ASRGL1: variants seen among roughly 807,000 people sequenced by gnomAD.
The protein encoded by ASRGL1 is asparaginase and isoaspartyl peptidase 1.
A neutral mutation model predicts 22.4 loss-of-function variants in ASRGL1; 16 were observed. The observed-to-expected ratio is 0.71, with a 90% CI of 0.48 to 1.08. ASRGL1 has a LOEUF of 1.08. Among genes scored for constraint, ASRGL1 ranks in the 50% least tolerant of loss-of-function variants. ASRGL1 has a pLI of 0.00. For missense variants in ASRGL1, 412 were observed against 410.1 expected (o/e 1.00, Z -0.04); for synonymous variants, 165 against 159.3 (o/e 1.04, Z -0.27).
chr11:62,376,273 T>C (rs1430621769), intron 4 of ASRGL1, among the ~76,000 whole-genome samples: 1 of 152,000 alleles, frequency 6.6e-6, no homozygotes, highest in Non-Finnish European at 1.5e-5. Flanking sequence ...TCTGTTCTTC[T>C]GACATCACCA....
intron 2 of ASRGL1, among the ~76,000 whole-genome samples, chr11:62,351,059 T>C (rs745936177): frequency 6.6e-6 from 1 of 152,182 alleles, no homozygotes; most frequent in Non-Finnish European, 1.5e-5. Flanking sequence ...GCTCTAGATA[T>C]TATGCTGTAC....
At chr11:62,345,548 C>T (rs999891831) in intron 2 of ASRGL1, among the ~76,000 whole-genome samples, 1 of 152,122 alleles carries the variant, frequency 6.6e-6, no homozygotes, top group Non-Finnish European at 1.5e-5. Context: ...GGATAACAGA[C>T]GTGAGCCACC....
intron 2 of ASRGL1, among the ~76,000 whole-genome samples, chr11:62,348,778 A>G (rs1274557100): frequency 1.3e-5 from 2 of 152,026 alleles, no homozygotes; most frequent in Non-Finnish European, 2.9e-5. Flanking sequence ...GCGAGGCCAC[A>G]GGGGAGATGG....
At chr11:62,381,352 T>G (rs1189358448) in intron 4 of ASRGL1, among the ~76,000 whole-genome samples, 1 of 152,164 alleles carries the variant, frequency 6.6e-6, no homozygotes, top group Non-Finnish European at 1.5e-5. Context: ...AGTCAACATT[T>G]TGCATTGACC....
intron 2 of ASRGL1, among the ~76,000 whole-genome samples, chr11:62,341,121 A>G (rs1046172010): frequency 6.6e-6 from 1 of 152,174 alleles, no homozygotes; most frequent in African/African-American, 2.4e-5. Flanking sequence ...GAGCTCAGCG[A>G]TATTTACACA....
rs57501048 is a variant in ASRGL1 at position 62,362,813 on chromosome 11, TACACACACAC to T, written c.491+5691_491+5700del. On this transcript the variant is annotated intron_variant, in intron 4 of 6. Transcript: ENST00000415229. ...GGAGTATCTACTTGCTTATCTGACATACACACACACACACACACACACACACACACATCCA... is the reference window on the plus strand; with the variant it reads ...GGAGTATCTACTTGCTTATCTGACATACACACACACACACACACACATCCA... Among the ~76,000 whole-genome samples, 9 of 83,856 alleles carry T rather than the reference TACACACACAC, an allele frequency of 1.1e-4. No individual in the cohort carries two copies. The South Asian group carries it at 1.2e-3, about 11-fold the overall frequency. The allele number at this position is 83,856 out of a possible 152,430, so 55.0% of individuals were successfully genotyped here.
chr11:62,384,647 G>A (rs1947159104), intron 4 of ASRGL1, among the ~76,000 whole-genome samples: 1 of 149,310 alleles, frequency 6.7e-6, no homozygotes, highest in African/African-American at 2.5e-5. Context: ...TGGGTGTGGT[G>A]GCTTATGCCT....
chr11:62,338,021 T>C lies in ASRGL1; in HGVS notation c.44T>C (p.Ile15Thr). Residue 15 changes from isoleucine to threonine, a missense_variant, in exon 2 of 7, where the codon ATC becomes ACC. Ile to Thr is a moderately conservative substitution (Grantham distance 89). Transcript: ENST00000415229. ...VVVHGGGAGP[I>T]SKDRKERVHQ... ...GTCCACGGCGGCGGAGCCGGTCCCA[T>C]CTCCAAGGATCGGAAGGAGCGAGTG... The C allele has an allele frequency of 6.2e-7, 1 of 1,607,420 alleles. No homozygotes were observed. Among genetic ancestry groups the C allele is most frequent in the South Asian group, 1.1e-5 (1 of 89,788 alleles).
At chr11:62,357,943 A>C (rs985327003) in intron 4 of ASRGL1, among the ~76,000 whole-genome samples, 1 of 152,158 alleles carries the variant, frequency 6.6e-6, no homozygotes, top group South Asian at 2.1e-4. Flanking sequence ...TTTTCAAAAT[A>C]TGCATGTTTA....
At chr11:62,373,253 C>A in intron 4 of ASRGL1, 1 of 770,084 alleles carries the variant, frequency 1.3e-6, no homozygotes, top group Non-Finnish European at 2.3e-6. Context: ...GGAAGTCAAA[C>A]AAGGAATTTA....
At chr11:62,345,789 A>G (rs1441837863) in intron 2 of ASRGL1, among the ~76,000 whole-genome samples, 1 of 152,212 alleles carries the variant, frequency 6.6e-6, no homozygotes, top group Non-Finnish European at 1.5e-5. Flanking sequence ...GACCAGTTTC[A>G]TGGAAGACAG....
rs199762771 is a variant in ASRGL1 at position 62,367,979 on chromosome 11, AT to A, written c.491+10845del. ...ATAAAAATAAATTTAAAAATTTTTA[AT>A]TTTTTTTTTCTGGCAGGTGGATTAC... is the stretch of plus-strand genomic sequence containing the variant. On this transcript the variant is annotated intron_variant, in intron 4 of 6. Coordinates refer to ENST00000415229, the MANE Select transcript of ASRGL1 (RefSeq NM_001083926.2). Among the ~76,000 whole-genome samples the A allele has an allele frequency of 2.9e-3, 439 of 150,724 alleles. 2 individuals are homozygous for A. The highest frequency in any genetic ancestry group is 5.0e-3 in the Non-Finnish European group (336 of 67,546).
At chr11:62,368,040 G>A (rs1282437978) in intron 4 of ASRGL1, among the ~76,000 whole-genome samples, 3 of 152,064 alleles carry the variant, frequency 2.0e-5, no homozygotes, top group Admixed American at 2.0e-4. Flanking sequence ...AACCAGTTTA[G>A]GGTTACAGTA....
Position 62,389,230 on chromosome 11 carries a change from G to T in ASRGL1, c.589G>T (p.Val197Phe), listed in dbSNP as rs201840661. 7.4e-6 allele frequency: 12 copies of T among 1,614,074 alleles called. No individual in the cohort carries two copies. Among genetic ancestry groups the T allele is most frequent in the African/African-American group, 1.3e-5 (1 of 75,028 alleles). The change falls in exon 5 of 7, where the codon GTT becomes TTT. Residue 197 changes from valine (V) to phenylalanine (F), a missense_variant. Transcript: ENST00000415229. Reference sequence around the variant, plus strand: ...TATCGTTAATAAAATGGTCGGCCGCGTTGGGGACTCACCGTGTCTAGGTAG... The same window carrying T: ...TATCGTTAATAAAATGGTCGGCCGCTTTGGGGACTCACCGTGTCTAGGTAG... ...GGIVNKMVGRVGDSPCLGAGG... is the reference protein window; with the variant it reads ...GGIVNKMVGRFGDSPCLGAGG...
intron 2 of ASRGL1, among the ~76,000 whole-genome samples, chr11:62,346,886 C>T (rs770591709): frequency 5.9e-5 from 9 of 151,780 alleles, no homozygotes; most frequent in Admixed American, 2.6e-4. Context: ...ACGAGAATCA[C>T]TTGAACCTGA....
intron 4 of ASRGL1, chr11:62,371,325 C>CG: frequency 7.7e-7 from 1 of 1,299,476 alleles, no homozygotes; most frequent in South Asian, 1.5e-5. Context: ...ACGGGGCCCC[C>CG]GGCAGGGGCA....
chr11:62,368,949 G>A (rs1295895373), intron 4 of ASRGL1, among the ~76,000 whole-genome samples: 1 of 152,128 alleles, frequency 6.6e-6, no homozygotes, highest in Non-Finnish European at 1.5e-5. Flanking sequence ...ATTGCCCAGG[G>A]ATGAGCAGGA....
At chr11:62,384,246 T>C (rs1947150640) in intron 4 of ASRGL1, among the ~76,000 whole-genome samples, 1 of 152,020 alleles carries the variant, frequency 6.6e-6, no homozygotes, top group Non-Finnish European at 1.5e-5. Context: ...GGCTCACACC[T>C]TTAATCCCAG....
chr11:62,361,044 A>G (rs890222694), intron 4 of ASRGL1, among the ~76,000 whole-genome samples: 1 of 152,200 alleles, frequency 6.6e-6, no homozygotes, highest in South Asian at 2.1e-4. Flanking sequence ...AATGCCAAAC[A>G]TATAATTAAG....
Sources: allele counts gnomAD v4.1 joint callset (sites outside exome capture counted in the v4.1 genomes callset), GRCh38; gene constraint gnomAD v4.1.1; transcripts MANE v1.5; gene names NCBI Gene and HGNC (gene_info 2026-07-23, HGNC 2026-07-21).